Variants in MEGF6 observed in about 807,000 individuals in gnomAD.
The protein encoded by MEGF6 is multiple epidermal growth factor-like domains protein 6.
In MEGF6, 184 loss-of-function variants were observed where a neutral mutation model predicts 207.1. The observed-to-expected ratio is 0.89, with a 90% CI of 0.79 to 1.00. The LOEUF is 1.00. MEGF6 is among the 50% of genes least tolerant of loss of function. MEGF6 has a pLI of 0.00. For synonymous variants in MEGF6, 1,038 were observed against 910.0 expected (o/e 1.14, Z -2.53); for missense variants, 2,282 against 2,202.9 (o/e 1.04, Z -0.72).
chr1:3,602,404 G>A (rs937784653), intron 2 of MEGF6, 62 bp downstream of exon 2: 27 of 1,608,558 alleles, frequency 1.7e-5, no homozygotes, highest in Non-Finnish European at 2.3e-5. Context: ...CAGCTCCCGG[G>A]TGGTCAGTGC....
At chr1:3,542,351 C>T (rs2101520905) in intron 4 of MEGF6, among the ~76,000 whole-genome samples, 1 of 152,230 alleles carries the variant, frequency 6.6e-6, no homozygotes, top group East Asian at 1.9e-4. Flanking sequence ...AGGGTTGGAC[C>T]CATTTTATAG....
In MEGF6 at chr1:3,602,729, G is replaced by A. The variant is rs538777908; in HGVS notation, c.132-129C>T. ...TCCAGACCCGTGGCCAGGCCTCCAC[G>A]GCACAGTGCCCATGCCAGTGCCCCA... is the stretch of plus-strand genomic sequence containing the variant. On this transcript the variant is annotated intron_variant, in intron 1 of 36. Coordinates refer to ENST00000356575, the MANE Select transcript of MEGF6 (RefSeq NM_001409.4). 135 of 1,339,072 alleles carry A rather than the reference G, an allele frequency of 1.0e-4. 1 individual carries two copies. The Middle Eastern group carries it at 2.6e-3, about 26-fold the overall frequency. 82.9% of individuals were successfully genotyped at this position (1,339,072 alleles called of 1,614,324 possible).
chr1:3,575,906 C>T (rs552614477), intron 4 of MEGF6, among the ~76,000 whole-genome samples: 38 of 152,364 alleles, frequency 2.5e-4, no homozygotes, highest in African/African-American at 8.4e-4. Flanking sequence ...CCTGCCATGA[C>T]CCCCACTTCC....
intron 3 of MEGF6, among the ~76,000 whole-genome samples, chr1:3,588,476 G>C (rs1235171377): frequency 1.3e-5 from 1 of 74,552 alleles, no homozygotes; most frequent in South Asian, 7.4e-4. Context: ...ACAGGAGGGG[G>C]CAGGAGTGGC....
intron 4 of MEGF6, among the ~76,000 whole-genome samples, chr1:3,530,248 C>T (rs932451063): frequency 3.3e-5 from 5 of 152,324 alleles, no homozygotes; most frequent in East Asian, 1.9e-4. Context: ...ACACTGAGGG[C>T]GTGGTGCTTA....
rs1464928826 is a variant in MEGF6 at position 3,507,735 on chromosome 1, C to CT, written c.1789+59dup. 3.1e-6 allele frequency: 5 copies of CT among 1,609,198 alleles called. No individual in the cohort carries two copies. In the Admixed American group the frequency reaches 6.7e-5, roughly 21 times the overall value. On this transcript the variant is annotated intron_variant, in intron 14 of 36. Coordinates refer to ENST00000356575, the MANE Select transcript of MEGF6 (RefSeq NM_001409.4). ...CAAGGAGGACGTGGAGGGGTGGTGT[C>CT]TCCCACTTCCCTTACAGCCCAGGGG...
At chr1:3,553,251 G>A (rs918778687) in intron 4 of MEGF6, among the ~76,000 whole-genome samples, 2 of 151,326 alleles carry the variant, frequency 1.3e-5, no homozygotes, top group African/African-American at 4.9e-5. Context: ...TCCCACCAGG[G>A]GCCCAGCCTG....
At chr1:3,551,472 C>T (rs1358450636) in intron 4 of MEGF6, among the ~76,000 whole-genome samples, 2 of 152,078 alleles carry the variant, frequency 1.3e-5, no homozygotes, top group African/African-American at 2.4e-5. Context: ...GCAGTGCCTC[C>T]CCTGGGACCA....
chr1:3,613,577 A>G (rs1174579822), upstream of MEGF6, among the ~76,000 whole-genome samples: 1 of 152,190 alleles, frequency 6.6e-6, no homozygotes. Context: ...TCACTGTTTG[A>G]GAACATTCTC....
intron 1 of MEGF6, among the ~76,000 whole-genome samples, chr1:3,608,339 C>T (rs2101905591): frequency 6.6e-6 from 1 of 152,224 alleles, no homozygotes; most frequent in East Asian, 1.9e-4. Flanking sequence ...CCCTCCAGGT[C>T]ACGTGCTGTG....
chr1:3,586,253 G>A (rs1013332197), intron 3 of MEGF6, among the ~76,000 whole-genome samples: 3 of 152,236 alleles, frequency 2.0e-5, no homozygotes, highest in South Asian at 2.1e-4. Context: ...GACATGTCCT[G>A]TGCATATGAT....
In MEGF6 at chr1:3,501,822, C is replaced by T; in HGVS notation, c.2288G>A (p.Gly763Glu). ...GVTGQCRCPP[G>E]RTGEDCEADC... ...TGCCTCACAGTCTTCCCCAGTCCTC[C>T]CCGGCGGACACCGGCACTGCCCCGT... Residue 763 changes from glycine to glutamate, a missense_variant, in exon 18 of 37, where the codon GGG becomes GAG. By Grantham distance (98) the Gly-to-Glu change is moderately conservative. Coordinates refer to ENST00000356575, the MANE Select transcript of MEGF6 (RefSeq NM_001409.4). 1 of 1,609,642 alleles carries T rather than the reference C, an allele frequency of 6.2e-7. No homozygotes were observed. The highest frequency in any genetic ancestry group is 8.5e-7 in the Non-Finnish European group (1 of 1,178,802).
rs928505421 is a variant in MEGF6 at position 3,611,472 on chromosome 1, A to C, written c.-204T>G. 1.1e-4 allele frequency: 67 copies of C among 621,562 alleles called. No individual in the cohort carries two copies. In the African/African-American group the frequency reaches 1.2e-3, roughly 11 times the overall value. 38.5% of individuals were successfully genotyped at this position (621,562 alleles called of 1,614,324 possible). A position where few individuals can be genotyped will look rare whatever the true frequency, so the allele number is the denominator to read the frequency against. On this transcript the variant is annotated 5_prime_UTR_variant, in exon 1 of 37. Coordinates refer to ENST00000356575, the MANE Select transcript of MEGF6 (RefSeq NM_001409.4). Reference sequence around the variant, plus strand: ...CCGCGGAGACCTGATCGCCGGGTCCACCCTGCAGGAACTCGCCCCGGCGCG... The same window carrying C: ...CCGCGGAGACCTGATCGCCGGGTCCCCCCTGCAGGAACTCGCCCCGGCGCG...
intron 4 of MEGF6, among the ~76,000 whole-genome samples, chr1:3,574,415 C>T (rs2101718961): frequency 6.6e-6 from 1 of 152,252 alleles, no homozygotes; most frequent in Non-Finnish European, 1.5e-5. Flanking sequence ...CCAAACCTTC[C>T]CCAGCCCACA....
intron 4 of MEGF6, among the ~76,000 whole-genome samples, chr1:3,561,824 C>A (rs78009987): frequency 2.6e-5 from 4 of 152,234 alleles, no homozygotes; most frequent in Non-Finnish European, 2.9e-5. Flanking sequence ...CTGAAGTTAC[C>A]AGGTTTGTCC....
intron 4 of MEGF6, among the ~76,000 whole-genome samples, chr1:3,575,093 A>G (rs1643605024): frequency 6.6e-6 from 1 of 152,188 alleles, no homozygotes; most frequent in Non-Finnish European, 1.5e-5. Flanking sequence ...AGACAAATCT[A>G]TTAGGAGGTC....
At chr1:3,491,331 G>GCC (rs1640353496) in intron 35 of MEGF6, among the ~76,000 whole-genome samples, 1 of 152,206 alleles carries the variant, frequency 6.6e-6, no homozygotes, top group South Asian at 2.1e-4. Flanking sequence ...TCAAGGCACT[G>GCC]CCCCCGGCAC....
At position 3,489,583 on chromosome 1, in the gene MEGF6, C is replaced by T. The variant is rs1189608739; in HGVS notation, c.*945G>A. Among the ~76,000 whole-genome samples the T allele has an allele frequency of 6.6e-6, 1 of 152,218 alleles. No individual in the cohort carries two copies. Among genetic ancestry groups the T allele is most frequent in the Non-Finnish European group, 1.5e-5 (1 of 68,032 alleles). On this transcript the variant is annotated 3_prime_UTR_variant, in exon 37 of 37. Coordinates refer to ENST00000356575, the MANE Select transcript of MEGF6 (RefSeq NM_001409.4). ...CCTGCCCCTGCGATGCTGCCCTCCCCCCACTGCTGATGCTCAGGTAGGGGT... is the reference window on the plus strand; with the variant it reads ...CCTGCCCCTGCGATGCTGCCCTCCCTCCACTGCTGATGCTCAGGTAGGGGT...
intron 4 of MEGF6, among the ~76,000 whole-genome samples, chr1:3,549,897 G>A (rs1193543417): frequency 2.0e-5 from 3 of 152,150 alleles, no homozygotes; most frequent in Admixed American, 6.5e-5. Context: ...ACGGGTGGGC[G>A]GTCGAAGGTC....
Sources: gnomAD v4.1 joint callset for allele counts (sites outside exome capture counted in the v4.1 genomes callset) on GRCh38, gnomAD v4.1.1 for gene constraint, MANE v1.5 for transcripts, NCBI Gene and HGNC (gene_info 2026-07-23, HGNC 2026-07-21) for gene names.